The following PARD6B variants were observed in gnomAD, a reference collection of about 807,000 sequenced individuals.
The protein encoded by PARD6B is partitioning defective 6 homolog beta.
In PARD6B, 4 loss-of-function variants were observed where a neutral mutation model predicts 10.5. That is an observed-to-expected ratio of 0.38 (90% CI 0.19 to 0.87). The LOEUF (loss-of-function observed/expected upper bound fraction) is 0.87. Ranked by LOEUF, PARD6B falls within the 40% of genes least tolerant of loss-of-function variation. PARD6B has a pLI of 0.41. For missense variants in PARD6B, 396 were observed against 470.6 expected, an observed-to-expected ratio of 0.84 and a Z score of 1.47; for synonymous variants, 169 against 170.4, an observed-to-expected ratio of 0.99 and a Z score of 0.07.
chr20:50,732,121 C>T (rs1600812889), intron 1 of PARD6B, among the ~76,000 whole-genome samples: 2 of 152,336 alleles, frequency 1.3e-5, no homozygotes, highest in Admixed American at 1.3e-4. Flanking sequence ...TGTTCACGGA[C>T]GGGAGTAGGG....
rs2087621575 is a variant in PARD6B at position 50,752,846 on chromosome 20, T to C, written c.*2358T>C. ...AGCATATTATCAGTAAACTATTAAC[T>C]GACTGCACATTATGTAATACGTTGT... is the stretch of plus-strand genomic sequence containing the variant. On this transcript the variant is annotated 3_prime_UTR_variant, in exon 3 of 3. Transcript: ENST00000371610. 1 of 981,266 alleles carries C rather than the reference T, an allele frequency of 1.0e-6. No individual in the cohort carries two copies. The highest frequency in any genetic ancestry group is 1.2e-6 in the Non-Finnish European group (1 of 825,726). 60.8% of individuals were successfully genotyped at this position (981,266 alleles called of 1,614,324 possible). A position where few individuals can be genotyped will look rare whatever the true frequency, so the allele number is the denominator to read the frequency against.
rs759412717 is a variant in PARD6B at position 50,738,002 on chromosome 20, C to T, written c.212C>T (p.Pro71Leu). The T allele has an allele frequency of 6.2e-7, 1 of 1,613,110 alleles. No homozygotes were observed. The highest frequency in any genetic ancestry group is 1.1e-5 in the South Asian group (1 of 90,926). ...GCAGACATCCATGGAGACTTACTAC[C>T]TATAAATAATGATGATAATTATCAC... is the stretch of plus-strand genomic sequence containing the variant. ...GYADIHGDLL[P>L]INNDDNYHKA... The change falls in exon 2 of 3, where the codon CCT becomes CTT. Residue 71 changes from proline (P) to leucine (L), a missense_variant. Physicochemically the swap from Pro to Leu is moderately conservative, Grantham distance 98. Coordinates refer to ENST00000371610, the MANE Select transcript of PARD6B (RefSeq NM_032521.3).
At position 50,751,841 on chromosome 20, in the gene PARD6B, A is replaced by C. The variant is rs984898070; in HGVS notation, c.*1353A>C. 24 of 884,706 alleles carry C rather than the reference A, an allele frequency of 2.7e-5. No individual in the cohort carries two copies. Among genetic ancestry groups the C allele is most frequent in the Non-Finnish European group, 3.1e-5 (23 of 739,724 alleles). The allele number at this position is 884,706 out of a possible 1,614,324, so 54.8% of individuals were successfully genotyped here. A position where few individuals can be genotyped will look rare whatever the true frequency, so the allele number is the denominator to read the frequency against. On this transcript the variant is annotated 3_prime_UTR_variant, in exon 3 of 3. Coordinates refer to ENST00000371610, the MANE Select transcript of PARD6B (RefSeq NM_032521.3). ...CTCAGCCTTCTGAGTAGCTAAGATT[A>C]CAGGTGTGCGCCAACACGTCTGGCT... is the stretch of plus-strand genomic sequence containing the variant.
At chr20:50,747,452 GTTGTC>G (rs2087573728) in intron 2 of PARD6B, among the ~76,000 whole-genome samples, 1 of 88,764 alleles carries the variant, frequency 1.1e-5, no homozygotes, top group Non-Finnish European at 2.5e-5. Context: ...ATTTTTTGTT[GTTGTC>G]TTTTCTTTTC....
rs1432861887 is a variant in PARD6B at position 50,752,630 on chromosome 20, A to T, written c.*2142A>T. 2 of 980,596 alleles carry T rather than the reference A, an allele frequency of 2.0e-6. No individual in the cohort carries two copies. Among genetic ancestry groups the T allele is most frequent in the Non-Finnish European group, 2.4e-6 (2 of 825,260 alleles). 60.7% of individuals were successfully genotyped at this position (980,596 alleles called of 1,614,324 possible). A position where few individuals can be genotyped will look rare whatever the true frequency, so the allele number is the denominator to read the frequency against. On this transcript the variant is annotated 3_prime_UTR_variant, in exon 3 of 3. Coordinates refer to ENST00000371610, the MANE Select transcript of PARD6B (RefSeq NM_032521.3). ...TATGGCTTATGGAGAGTTATTTATT[A>T]ATTAACTTTATGGTAGGGCTAGTAT... is the stretch of plus-strand genomic sequence containing the variant.
Position 50,741,745 on chromosome 20 carries a change from A to G in PARD6B, c.289+3666A>G, listed in dbSNP as rs549619267. 2.8e-3 allele frequency among the ~76,000 whole-genome samples: 424 copies of G among 151,216 alleles called. 1 individual carries two copies. Among genetic ancestry groups the G allele is most frequent in the African/African-American group, 9.3e-3 (385 of 41,212 alleles). On this transcript the variant is annotated intron_variant, in intron 2 of 2. Transcript: ENST00000371610. The stretch of plus-strand genomic sequence containing the variant: ...GTATTGTTAGTAGAGACGGGATTTC[A>G]CTGTGTTAGCCAGGATGGTCTCGAT...
In PARD6B at chr20:50,749,854, A is replaced by G. The variant is rs757500143; in HGVS notation, c.485A>G (p.Lys162Arg). 2.0e-5 allele frequency: 33 copies of G among 1,613,984 alleles called. No homozygotes were observed. Among genetic ancestry groups the G allele is most frequent in the Non-Finnish European group, 2.5e-5 (30 of 1,180,032 alleles). Reference sequence around the variant, plus strand: ...ACGCATCGTAGGGTACGTCTTTACAAATACGGCACGGAGAAACCCCTAGGA... The same window carrying G: ...ACGCATCGTAGGGTACGTCTTTACAGATACGGCACGGAGAAACCCCTAGGA... ...PETHRRVRLYKYGTEKPLGFY... is the reference protein window; with the variant it reads ...PETHRRVRLYRYGTEKPLGFY... Residue 162 changes from lysine to arginine, a missense_variant, in exon 3 of 3, where the codon AAA becomes AGA. This residue lies in a region of PARD6B where 208 missense variants were observed against 300.9 expected (regional missense o/e 0.69). Transcript: ENST00000371610.
At chr20:50,742,812 GATAGTGTTGTTGGAT>G (rs1453856635) in intron 2 of PARD6B, among the ~76,000 whole-genome samples, 1 of 152,156 alleles carries the variant, frequency 6.6e-6, no homozygotes, top group African/African-American at 2.4e-5. Flanking sequence ...TGAAGTTTAA[GATAGTGTTGTTGGAT>G]ATCTTGAAAA....
Position 50,743,807 on chromosome 20 carries a change from T to A in PARD6B, c.289+5728T>A, listed in dbSNP as rs562713400. Among the ~76,000 whole-genome samples, 8 of 149,528 alleles carry A rather than the reference T, an allele frequency of 5.4e-5. 1 individual carries two copies. The South Asian group carries it at 1.7e-3, about 32-fold the overall frequency. On this transcript the variant is annotated intron_variant, in intron 2 of 2. Coordinates refer to ENST00000371610, the MANE Select transcript of PARD6B (RefSeq NM_032521.3). ...GGAAGGCTGAGGCAGGAGAATGGCA[T>A]GAACCCAGGAGGCGGAGCTTGCAGT...
chr20:50,736,062 T>C (rs1261931890), intron 1 of PARD6B, among the ~76,000 whole-genome samples: 1 of 152,266 alleles, frequency 6.6e-6, no homozygotes, highest in Non-Finnish European at 1.5e-5. Context: ...ATGAGTCACC[T>C]TATTTTCTTG....
intron 1 of PARD6B, among the ~76,000 whole-genome samples, chr20:50,736,760 G>C (rs1310225909): frequency 2.0e-5 from 3 of 151,532 alleles, no homozygotes; most frequent in Non-Finnish European, 4.4e-5. Context: ...GAGTACAGTG[G>C]CATGATCTCG....
rs2087592118 is a variant in PARD6B at position 50,750,115 on chromosome 20, C to T, written c.746C>T (p.Ala249Val). ...SRNLIITVRPANQRNNVVRNS... is the reference protein window; with the variant it reads ...SRNLIITVRPVNQRNNVVRNS... ...AACCTCATCATAACAGTGAGACCGG[C>T]AAACCAGAGGAATAATGTTGTGAGG... The change falls in exon 3 of 3, where the codon GCA becomes GTA. Residue 249 changes from alanine (A) to valine (V), a missense_variant. Transcript: ENST00000371610. 1 of 1,614,206 alleles carries T rather than the reference C, an allele frequency of 6.2e-7. No homozygotes were observed. Among genetic ancestry groups the T allele is most frequent in the East Asian group, 2.2e-5 (1 of 44,888 alleles).
chr20:50,735,943 C>G (rs6020717), intron 1 of PARD6B, among the ~76,000 whole-genome samples: 1 of 152,018 alleles, frequency 6.6e-6, no homozygotes, highest in African/African-American at 2.4e-5. Context: ...GGAGGAGAAA[C>G]TGTGACTTTT....
chr20:50,736,389 C>T (rs2087499570), intron 1 of PARD6B, among the ~76,000 whole-genome samples: 2 of 152,076 alleles, frequency 1.3e-5, no homozygotes, highest in African/African-American at 4.8e-5. Context: ...ATTAGTATTT[C>T]TTGCTAGTAA....
Position 50,731,749 on chromosome 20 carries a change from C to A in PARD6B, c.-38C>A, listed in dbSNP as rs751122397. On this transcript the variant is annotated 5_prime_UTR_variant, in exon 1 of 3. Transcript: ENST00000371610. ...GCTCCCCGCGCTCCTGAGGGGCCGCCCGGCCGGAGGAGGCCGTCGCGGGGC... is the reference window on the plus strand; with the variant it reads ...GCTCCCCGCGCTCCTGAGGGGCCGCACGGCCGGAGGAGGCCGTCGCGGGGC... The A allele has an allele frequency of 2.6e-5, 37 of 1,432,946 alleles. 1 individual carries two copies. The South Asian group carries it at 3.5e-4, about 14-fold the overall frequency. 88.8% of individuals were successfully genotyped at this position (1,432,946 alleles called of 1,614,324 possible).
rs113874248 is a variant in PARD6B at position 50,748,272 on chromosome 20, A to G, written c.290-1387A>G. Among the ~76,000 whole-genome samples, 600 of 152,344 alleles carry G rather than the reference A, an allele frequency of 3.9e-3. 4 individuals are homozygous for G. The highest frequency in any genetic ancestry group is 0.014 in the African/African-American group (570 of 41,588). Reference sequence around the variant, plus strand: ...GGCAGGAGAATCGCTTGAACCTGGGAGGCGGGGGTGGCAGTGAGCTGAGAT... The same window carrying G: ...GGCAGGAGAATCGCTTGAACCTGGGGGGCGGGGGTGGCAGTGAGCTGAGAT... On this transcript the variant is annotated intron_variant, in intron 2 of 2. Transcript: ENST00000371610.
At chr20:50,733,958 G>T (rs546365946) in intron 1 of PARD6B, among the ~76,000 whole-genome samples, 1 of 152,122 alleles carries the variant, frequency 6.6e-6, no homozygotes, top group Middle Eastern at 3.2e-3. Flanking sequence ...CAACTGATTT[G>T]TGAATCTTTC....
At position 50,744,466 on chromosome 20, in the gene PARD6B, C is replaced by T. The variant is rs113054745; in HGVS notation, c.290-5193C>T. On this transcript the variant is annotated intron_variant, in intron 2 of 2. Coordinates refer to ENST00000371610, the MANE Select transcript of PARD6B (RefSeq NM_032521.3). ...TCCACGTCCTTCTCCAGCCTGCAGCCGGAGTGAGCTTTGTAGAAAAACCAA... is the reference window on the plus strand; with the variant it reads ...TCCACGTCCTTCTCCAGCCTGCAGCTGGAGTGAGCTTTGTAGAAAAACCAA... Among the ~76,000 whole-genome samples, 311 of 152,210 alleles carry T rather than the reference C, an allele frequency of 2.0e-3. 2 individuals carry two copies. Among genetic ancestry groups the T allele is most frequent in the African/African-American group, 5.3e-3 (220 of 41,528 alleles).
intron 1 of PARD6B, among the ~76,000 whole-genome samples, chr20:50,736,614 T>C (rs1211727424): frequency 6.6e-6 from 1 of 152,330 alleles, no homozygotes; most frequent in East Asian, 1.9e-4. Flanking sequence ...GTTTCCACGT[T>C]TGAGGAAATG....
Sources: allele counts gnomAD v4.1 joint callset (sites outside exome capture counted in the v4.1 genomes callset), GRCh38; gene constraint gnomAD v4.1.1; regional missense constraint gnomAD v4.1.1; transcripts MANE v1.5; gene names NCBI Gene and HGNC (gene_info 2026-07-23, HGNC 2026-07-21).